TRIM44: variants seen among roughly 807,000 people sequenced by gnomAD.
The protein encoded by TRIM44 is tripartite motif-containing protein 44.
Under a neutral mutation model 37.4 loss-of-function variants are expected in TRIM44, and 13 were observed. The ratio of observed to expected loss-of-function variants is 0.35; its 90% CI spans 0.23 to 0.55. The LOEUF (loss-of-function observed/expected upper bound fraction) is 0.55. TRIM44 is among the 20% of genes least tolerant of loss of function. The pLI is 0.89. For synonymous variants in TRIM44, 175 were observed against 157.2 expected (o/e 1.11, Z -0.85); for missense variants, 426 against 437.2 (o/e 0.97, Z 0.23).
chr11:35,789,104 ATTTAT>A (rs1853167720), intron 4 of TRIM44, among the ~76,000 whole-genome samples: 1 of 152,154 alleles, frequency 6.6e-6, no homozygotes. Context: ...ACTGAAAAAT[ATTTAT>A]TTTATTGTCA....
chr11:35,790,741 C>T (rs1374922243), intron 4 of TRIM44, among the ~76,000 whole-genome samples: 1 of 152,144 alleles, frequency 6.6e-6, no homozygotes, highest in African/African-American at 2.4e-5. Context: ...TCATATAGTT[C>T]AGACCTGTTG....
At chr11:35,735,938 T>G (rs1354967952) in intron 4 of TRIM44, among the ~76,000 whole-genome samples, 1 of 151,868 alleles carries the variant, frequency 6.6e-6, no homozygotes, top group African/African-American at 2.4e-5. Flanking sequence ...AAAAAAAAAA[T>G]GTTCTTTGTG....
chr11:35,722,485 G>A (rs1007695298), intron 2 of TRIM44, among the ~76,000 whole-genome samples: 1 of 152,224 alleles, frequency 6.6e-6, no homozygotes, highest in African/African-American at 2.4e-5. Flanking sequence ...AAGGGCTGCT[G>A]GTTGCCTATT....
intron 1 of TRIM44, among the ~76,000 whole-genome samples, chr11:35,682,858 C>A (rs1476330158): frequency 6.6e-6 from 1 of 152,100 alleles, no homozygotes; most frequent in South Asian, 2.1e-4. Flanking sequence ...CCTTCGTTGT[C>A]GTTTTATTCT....
At position 35,806,606 on chromosome 11, in the gene TRIM44, A is replaced by C; in HGVS notation, c.*221A>C. 3.6e-6 allele frequency: 2 copies of C among 550,486 alleles called. No individual in the cohort carries two copies. Among genetic ancestry groups the C allele is most frequent in the Non-Finnish European group, 6.5e-6 (2 of 308,540 alleles). 34.1% of individuals were successfully genotyped at this position (550,486 alleles called of 1,614,324 possible). ...CTGGTTGTGGTAGGTCAAGGAAAAG[A>C]GCCCCTTTGATCCACCAGGAGCAAT... On this transcript the variant is annotated 3_prime_UTR_variant, in exon 5 of 5. Coordinates refer to ENST00000299413, the MANE Select transcript of TRIM44 (RefSeq NM_017583.6).
At position 35,810,056 on chromosome 11, in the gene TRIM44, T is replaced by G. The variant is rs1319360691; in HGVS notation, c.*3671T>G. 1.3e-5 allele frequency: 2 copies of G among 152,130 alleles called. No homozygotes were observed. Among genetic ancestry groups the G allele is most frequent in the Non-Finnish European group, 2.9e-5 (2 of 68,022 alleles). 9.4% of individuals were successfully genotyped at this position (152,130 alleles called of 1,614,324 possible). A position where few individuals can be genotyped will look rare whatever the true frequency, so the allele number is the denominator to read the frequency against. ...TTCCCTAGCAAAGGTCATTAGCTCC[T>G]AAGGCACTGAGTCAAAGTGACAGCC... On this transcript the variant is annotated 3_prime_UTR_variant, in exon 5 of 5. Transcript: ENST00000299413.
intron 1 of TRIM44, among the ~76,000 whole-genome samples, chr11:35,673,167 C>A (rs1051100401): frequency 6.6e-6 from 1 of 152,096 alleles, no homozygotes. Flanking sequence ...GCAATGAAAA[C>A]AATAAATCAT....
At chr11:35,696,796 G>A (rs1851705084) in intron 2 of TRIM44, among the ~76,000 whole-genome samples, 1 of 150,818 alleles carries the variant, frequency 6.6e-6, no homozygotes, top group Non-Finnish European at 1.5e-5. Context: ...GCGGTGAGCC[G>A]AGATCATGCC....
At chr11:35,677,573 TC>T (rs1851472156) in intron 1 of TRIM44, among the ~76,000 whole-genome samples, 1 of 152,160 alleles carries the variant, frequency 6.6e-6, no homozygotes, top group Non-Finnish European at 1.5e-5. Flanking sequence ...TTCTGCATAT[TC>T]TTTCATTTAA....
At chr11:35,804,116 A>G (rs1853415249) in intron 4 of TRIM44, among the ~76,000 whole-genome samples, 1 of 152,176 alleles carries the variant, frequency 6.6e-6, no homozygotes, top group South Asian at 2.1e-4. Context: ...TGACTTACAC[A>G]TGGTTGACAG....
At chr11:35,717,733 G>A (rs116353359) in intron 2 of TRIM44, among the ~76,000 whole-genome samples, 230 of 152,218 alleles carry the variant, frequency 1.5e-3, no homozygotes, top group African/African-American at 5.5e-3. Flanking sequence ...CAGAACAGAG[G>A]AAAGCACCAA....
At chr11:35,750,825 T>C (rs1037300610) in intron 4 of TRIM44, among the ~76,000 whole-genome samples, 1 of 152,192 alleles carries the variant, frequency 6.6e-6, no homozygotes, top group Non-Finnish European at 1.5e-5. Flanking sequence ...GTAATTTATT[T>C]GTACCGCAAT....
intron 4 of TRIM44, among the ~76,000 whole-genome samples, chr11:35,761,469 A>G (rs1590578763): frequency 6.6e-6 from 1 of 152,008 alleles, no homozygotes; most frequent in African/African-American, 2.4e-5. Flanking sequence ...GGACTCATGA[A>G]CCCATGGCCA....
chr11:35,718,733 T>C (rs908354645), intron 2 of TRIM44, among the ~76,000 whole-genome samples: 1 of 152,166 alleles, frequency 6.6e-6, no homozygotes, highest in African/African-American at 2.4e-5. Context: ...TTTCCCTTCC[T>C]CCAAACCTCT....
chr11:35,766,704 G>A (rs1852803144), intron 4 of TRIM44, among the ~76,000 whole-genome samples: 1 of 152,172 alleles, frequency 6.6e-6, no homozygotes, highest in Admixed American at 6.5e-5. Flanking sequence ...CAAGAATTTG[G>A]AGTCACTGGA....
chr11:35,693,423 G>A (rs890877187), intron 2 of TRIM44, among the ~76,000 whole-genome samples: 1 of 152,098 alleles, frequency 6.6e-6, no homozygotes, highest in African/African-American at 2.4e-5. Flanking sequence ...AGAACAGTGA[G>A]TCTTGCAAAG....
At chr11:35,711,500 T>C (rs1276703526) in intron 2 of TRIM44, among the ~76,000 whole-genome samples, 1 of 150,960 alleles carries the variant, frequency 6.6e-6, no homozygotes, top group African/African-American at 2.4e-5. Context: ...AAATAGGGAA[T>C]AATAGTACAT....
chr11:35,670,202 A>G (rs1328607146), intron 1 of TRIM44, among the ~76,000 whole-genome samples: 1 of 152,138 alleles, frequency 6.6e-6, no homozygotes, highest in East Asian at 1.9e-4. Context: ...CTCACTTTCT[A>G]CTAACCAAAT....
chr11:35,746,907 C>G (rs138019744), intron 4 of TRIM44, among the ~76,000 whole-genome samples: 53 of 152,212 alleles, frequency 3.5e-4, no homozygotes, highest in Non-Finnish European at 6.2e-4. Context: ...CCTGTAGGTT[C>G]GCAATGTGGT....
Sources: allele counts gnomAD v4.1 joint callset (sites outside exome capture counted in the v4.1 genomes callset), GRCh38; gene constraint gnomAD v4.1.1; transcripts MANE v1.5; gene names NCBI Gene and HGNC (gene_info 2026-07-23, HGNC 2026-07-21).